Variants in RASAL2 observed in about 807,000 individuals in gnomAD.
RASAL2 encodes ras GTPase-activating protein nGAP.
RASAL2 carries 58 observed loss-of-function variants against 128.9 expected under a neutral mutation model. The observed-to-expected ratio is 0.45, with a 90% confidence interval of 0.36 to 0.56. The LOEUF (loss-of-function observed/expected upper bound fraction) is 0.56, where lower values mean the gene tolerates loss of function less well. Ranked by LOEUF, RASAL2 falls within the 20% of genes least tolerant of loss-of-function variation. The pLI, the probability that RASAL2 is intolerant of heterozygous loss-of-function variation, is 0.00. For synonymous variants in RASAL2, 561 were observed against 580.8 expected (o/e 0.97, Z 0.49); for missense variants, 1,360 against 1,601.6 (o/e 0.85, Z 2.57).
At chr1:178,426,026 C>A (rs1028720999) in intron 5 of RASAL2, among the ~76,000 whole-genome samples, 3 of 152,138 alleles carry the variant, frequency 2.0e-5, no homozygotes, top group Admixed American at 1.3e-4. Context: ...GCCAGACTTA[C>A]CCCTGTCACA....
chr1:178,208,071 C>T (rs184869595), intron 1 of RASAL2, among the ~76,000 whole-genome samples: 4 of 152,288 alleles, frequency 2.6e-5, no homozygotes, highest in East Asian at 1.9e-4. Flanking sequence ...TGAGGATGTA[C>T]GTCACCTCAG....
chr1:178,440,029 A>G (rs192048294), intron 6 of RASAL2, among the ~76,000 whole-genome samples: 165 of 142,382 alleles, frequency 1.2e-3, no homozygotes, highest in African/African-American at 3.8e-3. Context: ...GGACATTTTG[A>G]CCTAAATGTC....
At chr1:178,105,588 T>C (rs1454047125) in intron 1 of RASAL2, among the ~76,000 whole-genome samples, 1 of 152,076 alleles carries the variant, frequency 6.6e-6, no homozygotes, top group Non-Finnish European at 1.5e-5. Context: ...TGAAGACATA[T>C]GAAGGATATG....
chr1:178,352,477 G>C (rs1258515229), intron 3 of RASAL2, among the ~76,000 whole-genome samples: 1 of 152,112 alleles, frequency 6.6e-6, no homozygotes, highest in African/African-American at 2.4e-5. Flanking sequence ...ATTCCTGTGG[G>C]CCTTTCAGAG....
At chr1:178,216,972 T>C (rs931771071) in intron 1 of RASAL2, among the ~76,000 whole-genome samples, 1 of 151,730 alleles carries the variant, frequency 6.6e-6, no homozygotes, top group Admixed American at 6.6e-5. Context: ...ATTTTATTAT[T>C]ATTTATTTAT....
chr1:178,185,111 GT>G (rs1197156459), intron 1 of RASAL2, among the ~76,000 whole-genome samples: 1,652 of 141,234 alleles, frequency 0.012, 19 homozygotes, highest in African/African-American at 0.032. Context: ...TTTAGTTTTT[GT>G]TTTTTTTTTT....
chr1:178,134,395 C>T (rs1660230641), intron 1 of RASAL2, among the ~76,000 whole-genome samples: 1 of 144,926 alleles, frequency 6.9e-6, no homozygotes, highest in African/African-American at 2.6e-5. Context: ...AAGGTTGAGG[C>T]TGTAGTGAGC....
intron 1 of RASAL2, among the ~76,000 whole-genome samples, chr1:178,194,172 T>A (rs183030630): frequency 1.3e-5 from 2 of 152,234 alleles, no homozygotes; most frequent in African/African-American, 2.4e-5. Flanking sequence ...TTATCACTCC[T>A]GAGCAACATC....
intron 3 of RASAL2, among the ~76,000 whole-genome samples, chr1:178,346,403 T>TAA (rs369075200): frequency 9.0e-5 from 13 of 143,736 alleles, no homozygotes; most frequent in South Asian, 2.2e-4. Context: ...CTTGTATCTT[T>TAA]AAAAAAAAAA....
At chr1:178,136,992 G>T (rs1660351391) in intron 1 of RASAL2, among the ~76,000 whole-genome samples, 1 of 152,060 alleles carries the variant, frequency 6.6e-6, no homozygotes, top group Non-Finnish European at 1.5e-5. Context: ...AAGGTAAGTA[G>T]GAGCCAGATC....
chr1:178,447,784 A>T (rs2102869141), intron 9 of RASAL2, among the ~76,000 whole-genome samples: 1 of 151,552 alleles, frequency 6.6e-6, no homozygotes, highest in East Asian at 1.9e-4. Context: ...TATGAGAAAT[A>T]TTAAGGTTGA....
At chr1:178,466,188 A>G (rs1030655617) in intron 16 of RASAL2, 66 bp downstream of exon 16, 1 of 1,446,522 alleles carries the variant, frequency 6.9e-7, no homozygotes, top group Non-Finnish European at 9.2e-7. Flanking sequence ...TGATCCACAG[A>G]ACCCTGAAGG....
At chr1:178,471,309 G>C (rs1423771456) in intron 17 of RASAL2, among the ~76,000 whole-genome samples, 1 of 151,890 alleles carries the variant, frequency 6.6e-6, no homozygotes. Context: ...CTTACCTCTT[G>C]TTTTCTAGTA....
intron 2 of RASAL2, among the ~76,000 whole-genome samples, chr1:178,289,682 AT>A (rs887616312): frequency 6.6e-6 from 1 of 152,076 alleles, no homozygotes; most frequent in African/African-American, 2.4e-5. Flanking sequence ...TGTAAGAGTC[AT>A]TTTCAACATG....
At chr1:178,098,238 T>C (rs2102213629) in intron 1 of RASAL2, among the ~76,000 whole-genome samples, 1 of 152,364 alleles carries the variant, frequency 6.6e-6, no homozygotes, top group East Asian at 1.9e-4. Flanking sequence ...GTGTCTGTTG[T>C]ATGTTGATCC....
At chr1:178,226,170 A>G (rs900119137) in intron 1 of RASAL2, among the ~76,000 whole-genome samples, 1 of 152,168 alleles carries the variant, frequency 6.6e-6, no homozygotes, top group African/African-American at 2.4e-5. Context: ...TCTCAGGCGG[A>G]GTAGTAAATT....
chr1:178,138,230 T>C (rs1300252866), intron 1 of RASAL2, among the ~76,000 whole-genome samples: 2 of 152,230 alleles, frequency 1.3e-5, no homozygotes, highest in East Asian at 3.8e-4. Flanking sequence ...GAAGATCTTT[T>C]GGCTACCTTT....
intron 4 of RASAL2, among the ~76,000 whole-genome samples, chr1:178,406,807 A>G (rs1674029246): frequency 6.6e-6 from 1 of 151,420 alleles, no homozygotes; most frequent in Non-Finnish European, 1.5e-5. Context: ...AATACCTGTA[A>G]TATAATATGT....
chr1:178,142,448 T>A (rs1660567546), intron 1 of RASAL2, among the ~76,000 whole-genome samples: 2 of 152,128 alleles, frequency 1.3e-5, no homozygotes, highest in South Asian at 4.1e-4. Flanking sequence ...TGCAACTAAG[T>A]TGGCTGTCTC....
Sources: allele counts gnomAD v4.1 joint callset (sites outside exome capture counted in the v4.1 genomes callset), GRCh38; gene constraint gnomAD v4.1.1; transcripts MANE v1.5; gene names NCBI Gene and HGNC (gene_info 2026-07-23, HGNC 2026-07-21).